Variants in PCDHA2 observed in about 807,000 individuals in gnomAD.
The protein encoded by PCDHA2 is protocadherin alpha-2.
In PCDHA2, 58 loss-of-function variants were observed where a neutral mutation model predicts 66.0. The observed-to-expected ratio is 0.88, with a 90% CI of 0.71 to 1.09. The LOEUF (loss-of-function observed/expected upper bound fraction) is 1.09. Ranked by LOEUF, PCDHA2 falls within the 50% of genes least tolerant of loss-of-function variation. The pLI is 0.00. For synonymous variants in PCDHA2, 634 were observed against 554.0 expected (o/e 1.14, Z -2.03); for missense variants, 1,267 against 1,242.3 (o/e 1.02, Z -0.30).
Position 140,796,528 on chromosome 5 carries a change from C to T in PCDHA2, c.1564C>T (p.Pro522Ser). ...GAGCGGCAAGGTGTACGCGCTGCAG[C>T]CGCTGGACCACGAGGAAGTGGAGCT... Reference protein sequence around the residue: ...AESGKVYALQPLDHEEVELLQ... With the variant: ...AESGKVYALQSLDHEEVELLQ... Residue 522 changes from proline to serine, a missense_variant, in exon 1 of 4, where the codon CCG becomes TCG. Pro to Ser is a moderately conservative substitution (Grantham distance 74). Transcript: ENST00000526136. 1 of 1,612,638 alleles carries T rather than the reference C, an allele frequency of 6.2e-7. No individual in the cohort carries two copies. Among genetic ancestry groups the T allele is most frequent in the East Asian group, 2.2e-5 (1 of 44,880 alleles).
At chr5:140,836,449 C>T (rs1774490030) in intron 1 of PCDHA2, 2 of 1,613,826 alleles carry the variant, frequency 1.2e-6, no homozygotes, top group African/African-American at 1.3e-5. Flanking sequence ...ATTGCAGGCC[C>T]AGAGACCGAG....
chr5:140,883,421 G>A (rs1398671591), intron 1 of PCDHA2: 1 of 1,614,022 alleles, frequency 6.2e-7, no homozygotes, highest in Non-Finnish European at 8.5e-7. Flanking sequence ...AAATGGACAG[G>A]TCACCTGCAC....
intron 1 of PCDHA2, chr5:140,842,373 C>T (rs1554138976): frequency 1.9e-6 from 3 of 1,608,288 alleles, no homozygotes; most frequent in Admixed American, 1.7e-5. Flanking sequence ...CCTGAGATAG[C>T]ACTGACTTCC....
intron 1 of PCDHA2, among the ~76,000 whole-genome samples, chr5:140,839,385 TG>T (rs1562376337): frequency 1.3e-5 from 2 of 151,834 alleles, no homozygotes; most frequent in South Asian, 2.1e-4. Context: ...ATTATTATGA[TG>T]ATGATGATGA....
At chr5:140,828,526 T>G in intron 1 of PCDHA2, 2 of 1,614,226 alleles carry the variant, frequency 1.2e-6, no homozygotes, top group Non-Finnish European at 1.7e-6. Flanking sequence ...TTTACGAATC[T>G]AGGCTGCCAG....
intron 1 of PCDHA2, chr5:140,882,984 C>T (rs2059393576): frequency 2.5e-6 from 4 of 1,614,178 alleles, no homozygotes; most frequent in Non-Finnish European, 2.5e-6. Flanking sequence ...AATGACAACG[C>T]CCCGGAATTT....
At chr5:140,879,208 A>C (rs546096733) in intron 1 of PCDHA2, among the ~76,000 whole-genome samples, 1 of 152,362 alleles carries the variant, frequency 6.6e-6, no homozygotes, top group East Asian at 1.9e-4. Context: ...ATGGCAGTAG[A>C]AATGAATTGA....
chr5:141,006,992 A>C (rs1187318452), intron 3 of PCDHA2, among the ~76,000 whole-genome samples: 3 of 152,196 alleles, frequency 2.0e-5, no homozygotes, highest in Non-Finnish European at 2.9e-5. Flanking sequence ...GGCTTAAAAT[A>C]TAAGTCTGCA....
chr5:140,853,444 A>G, intron 1 of PCDHA2: 1 of 982,390 alleles, frequency 1.0e-6, no homozygotes, highest in Non-Finnish European at 1.2e-6. Context: ...TATTTTGCCT[A>G]ATAGGTCTCC....
rs2150375688 is a variant in PCDHA2, at chr5:140,844,999, T to C, written c.2388+47647T>C. 8.7e-5 allele frequency among the ~76,000 whole-genome samples: 13 copies of C among 149,338 alleles called. 1 individual carries two copies. Among genetic ancestry groups the C allele is most frequent in the African/African-American group, 4.9e-5 (2 of 40,784 alleles). ...TTGTTTTAAATCTTTTAATCACTTA[T>C]GAACAAATAATGTAATCATTTATGG... On this transcript the variant is annotated intron_variant, in intron 1 of 3. Transcript: ENST00000526136.
intron 1 of PCDHA2, among the ~76,000 whole-genome samples, chr5:140,963,972 A>G (rs1233467161): frequency 2.0e-5 from 3 of 152,216 alleles, no homozygotes; most frequent in Non-Finnish European, 4.4e-5. Flanking sequence ...GACTGACTCC[A>G]AAGTCTATAT....
At chr5:140,907,752 T>C (rs1255877387) in intron 1 of PCDHA2, among the ~76,000 whole-genome samples, 5 of 152,190 alleles carry the variant, frequency 3.3e-5, no homozygotes, top group African/African-American at 1.2e-4. Flanking sequence ...ACTTTGTTCA[T>C]GGGCCCATTG....
chr5:140,991,885 A>G (rs1554252463), intron 3 of PCDHA2, among the ~76,000 whole-genome samples: 1 of 152,198 alleles, frequency 6.6e-6, no homozygotes, highest in Non-Finnish European at 1.5e-5. Context: ...GGCTGCCATA[A>G]CAAATTAACA....
intron 1 of PCDHA2, chr5:140,857,643 T>C (rs1406049950): frequency 4.4e-6 from 7 of 1,596,508 alleles, no homozygotes; most frequent in Non-Finnish European, 5.1e-6. Flanking sequence ...CTGCTACAGT[T>C]CCAGGTGAGC....
chr5:141,002,497 CT>C (rs1310638544), intron 3 of PCDHA2, among the ~76,000 whole-genome samples: 1 of 152,204 alleles, frequency 6.6e-6, no homozygotes, highest in Non-Finnish European at 1.5e-5. Flanking sequence ...TGTTATACAG[CT>C]CAGGATCTGA....
Position 140,797,149 on chromosome 5 carries a change from G to A in PCDHA2, c.2185G>A (p.Glu729Lys), listed in dbSNP as rs781824511. The A allele has an allele frequency of 5.0e-6, 8 of 1,613,852 alleles. No individual in the cohort carries two copies. In the African/African-American group the frequency reaches 8.0e-5, roughly 16 times the overall value. Residue 729 changes from glutamate (E) to lysine (K), a missense_variant, in exon 1 of 4, where the codon GAG (glutamate) becomes AAG (lysine). Glu to Lys is a moderately conservative substitution (Grantham distance 56). Coordinates refer to ENST00000526136, the MANE Select transcript of PCDHA2 (RefSeq NM_018905.3). Reference protein sequence around the residue: ...TALRCSVPPTEGARAPGKPTL... With the variant: ...TALRCSVPPTKGARAPGKPTL... ...GCTGCGGTGCTCGGTGCCACCCACCGAGGGTGCGCGCGCGCCAGGAAAGCC... is the reference window on the plus strand; with the variant it reads ...GCTGCGGTGCTCGGTGCCACCCACCAAGGGTGCGCGCGCGCCAGGAAAGCC...
intron 1 of PCDHA2, among the ~76,000 whole-genome samples, chr5:140,918,947 G>T (rs56003): frequency 0.32 from 48,109 of 152,058 alleles, 7,963 homozygotes; most frequent in East Asian, 0.53. Context: ...ATAATATCCT[G>T]AACAGACTAA....
At chr5:140,934,664 T>C (rs1268113575) in intron 1 of PCDHA2, among the ~76,000 whole-genome samples, 4 of 152,176 alleles carry the variant, frequency 2.6e-5, no homozygotes, top group Non-Finnish European at 5.9e-5. Flanking sequence ...TCTTCCCCTT[T>C]GTTTAGCAGT....
chr5:140,972,910 C>G (rs2096563603), intron 1 of PCDHA2, among the ~76,000 whole-genome samples: 1 of 152,054 alleles, frequency 6.6e-6, no homozygotes, highest in Non-Finnish European at 1.5e-5. Flanking sequence ...GATCCACCCG[C>G]CTTGGCCTCC....
Sources: allele counts gnomAD v4.1 joint callset (sites outside exome capture counted in the v4.1 genomes callset), GRCh38; gene constraint gnomAD v4.1.1; transcripts MANE v1.5; gene names NCBI Gene and HGNC (gene_info 2026-07-23, HGNC 2026-07-21).